The following CLSTN3 variants were observed in gnomAD, a reference collection of about 807,000 sequenced individuals.
CLSTN3 encodes calsyntenin 3.
CLSTN3 carries 36 observed loss-of-function variants against 95.9 expected under a neutral mutation model. That is an observed-to-expected ratio of 0.38 (90% CI 0.29 to 0.50). The LOEUF is 0.50. Ranked by LOEUF, CLSTN3 falls within the 20% of genes least tolerant of loss-of-function variation. CLSTN3 has a pLI of 0.95. For missense variants in CLSTN3, 1,084 were observed against 1,268.8 expected, an observed-to-expected ratio of 0.85 and a Z score of 2.21; for synonymous variants, 481 against 504.0, an observed-to-expected ratio of 0.95 and a Z score of 0.61.
At chr12:7,135,765 C>G (rs770356773) in intron 4 of CLSTN3, 39 bp from the exon 5 acceptor site, 3 of 1,562,128 alleles carry the variant, frequency 1.9e-6, no homozygotes, top group Non-Finnish European at 2.6e-6. Context: ...TGGGCTTTCT[C>G]CAATGCTCTA....
In CLSTN3 at chr12:7,135,599, A is replaced by T. The variant is rs1005015982; in HGVS notation, c.592+64A>T. 3 of 1,543,174 alleles carry T rather than the reference A, an allele frequency of 1.9e-6. No individual in the cohort carries two copies. In the African/African-American group the frequency reaches 4.1e-5, roughly 21 times the overall value. The stretch of plus-strand genomic sequence containing the variant: ...CTTGAGCACCCACCTCCCTCAGGAC[A>T]ACCCAGGGTTGCATTCTCCACTTTT... On this transcript the variant is annotated intron_variant, in intron 4 of 17. Transcript: ENST00000266546.
At chr12:7,147,395 C>CAAAAAA (rs1565652698) in intron 12 of CLSTN3, among the ~76,000 whole-genome samples, 1 of 19,802 alleles carries the variant, frequency 5.0e-5, no homozygotes, top group East Asian at 1.2e-3. Context: ...AGAGACTCTG[C>CAAAAAA]CAAAAAAAAA....
upstream of CLSTN3, chr12:7,130,358 CT>C (rs1267318183): frequency 7.6e-7 from 1 of 1,318,784 alleles, no homozygotes; most frequent in African/African-American, 1.5e-5. Context: ...CGTTGCCCGG[CT>C]GTGCTGACGT....
At position 7,150,629 on chromosome 12, in the gene CLSTN3, GTT is replaced by G. The variant is rs759339524; in HGVS notation, c.2332_2333del (p.Phe778ProfsTer15). 1 of 1,614,190 alleles carries G rather than the reference GTT, an allele frequency of 6.2e-7. No individual in the cohort carries two copies. Among genetic ancestry groups the G allele is most frequent in the Non-Finnish European group, 8.5e-7 (1 of 1,180,026 alleles). ...RHGAALYTRK[F>X]RLSCSEMNGR... is the part of the protein sequence containing the mutation. ...ACGGAGCTGCCCTCTACACCAGGAA[GTT>G]CCGGCTTTCCTGCTCGGAAATGAAT... On this transcript the variant is annotated frameshift_variant, in exon 15 of 18. Transcript: ENST00000266546. LOFTEE classifies it high-confidence loss of function. The surrounding 1 kb of genome is among the most constrained non-coding windows in gnomAD (Gnocchi z 4.0).
At chr12:7,152,014 A>G (rs1939731406) in intron 16 of CLSTN3, among the ~76,000 whole-genome samples, 1 of 149,902 alleles carries the variant, frequency 6.7e-6, no homozygotes, top group African/African-American at 2.5e-5. Flanking sequence ...TGATCACACC[A>G]CTGCACTCCA....
In CLSTN3 at chr12:7,135,790, T is replaced by C; in HGVS notation, c.593-14T>C. ...CCAATGCTCTAATGCTCTGTCCTCC[T>C]GACCCCACCCCAGGGAACATTGAGA... On this transcript the variant is annotated splice_polypyrimidine_tract_variant and intron_variant, in intron 4 of 17. Transcript: ENST00000266546. 6.3e-7 allele frequency: 1 copy of C among 1,594,156 alleles called. No homozygotes were observed. The highest frequency in any genetic ancestry group is 1.3e-5 in the African/African-American group (1 of 74,400).
At chr12:7,140,144 C>T (rs775278686) in intron 8 of CLSTN3, among the ~76,000 whole-genome samples, 22 of 152,222 alleles carry the variant, frequency 1.4e-4, no homozygotes, top group African/African-American at 5.3e-4. Context: ...ATCAACAGCA[C>T]CTGCTAATGG....
Position 7,151,047 on chromosome 12 carries a change from C to G in CLSTN3, c.2511C>G (p.Ser837Arg), listed in dbSNP as rs1403205959. 6 of 1,602,716 alleles carry G rather than the reference C, an allele frequency of 3.7e-6. No individual in the cohort carries two copies. In the Admixed American group the frequency reaches 1.0e-4, roughly 28 times the overall value. Residue 837 changes from serine to arginine, a missense_variant, in exon 16 of 18, where the codon AGC becomes AGG. Physicochemically the swap from Ser to Arg is moderately radical, Grantham distance 110. Coordinates refer to ENST00000266546, the MANE Select transcript of CLSTN3 (RefSeq NM_014718.4). ...AGATGGCTGGACACAGCCTAGCCAG[C>G]TCCCACAGAAACTCCAGTACGTAAG... ...PPEMAGHSLA[S>R]SHRNSMIPSA... is the part of the protein sequence containing the mutation.
At chr12:7,145,575 T>C (rs1939610648) in intron 12 of CLSTN3, among the ~76,000 whole-genome samples, 1 of 151,942 alleles carries the variant, frequency 6.6e-6, no homozygotes. Context: ...TTTTTTTTTT[T>C]AGTATTTTTC....
intron 12 of CLSTN3, among the ~76,000 whole-genome samples, chr12:7,144,539 A>C (rs1258769447): frequency 6.6e-6 from 1 of 152,164 alleles, no homozygotes; most frequent in Non-Finnish European, 1.5e-5. Flanking sequence ...ATGCCGCTTA[A>C]ATGCTGGCTA....
At chr12:7,143,382 C>A in intron 12 of CLSTN3, 71 bp downstream of exon 12, 1 of 1,527,040 alleles carries the variant, frequency 6.5e-7, no homozygotes, top group Non-Finnish European at 8.9e-7. Flanking sequence ...TGGCCTAAGG[C>A]GTCACCTAGA....
rs374604787 is a variant in CLSTN3, at chr12:7,136,396, G to A, written c.928+5G>A. ...GGGCGCTGCGGAAACTCTGTGGTAG[G>A]TGTGCCCCCAACACTGCCTCAGGCC... On this transcript the variant is annotated splice_donor_5th_base_variant and intron_variant, in intron 6 of 17. Coordinates refer to ENST00000266546, the MANE Select transcript of CLSTN3 (RefSeq NM_014718.4). The A allele has an allele frequency of 1.7e-5, 28 of 1,602,756 alleles. No homozygotes were observed. The highest frequency in any genetic ancestry group is 5.4e-5 in the African/African-American group (4 of 74,712).
chr12:7,145,829 G>A (rs771333716), intron 12 of CLSTN3, among the ~76,000 whole-genome samples: 1 of 152,220 alleles, frequency 6.6e-6, no homozygotes, highest in Non-Finnish European at 1.5e-5. Flanking sequence ...GTCATCCAGA[G>A]CTTGAAACCT....
At chr12:7,132,670 T>C in intron 1 of CLSTN3, 1 of 561,330 alleles carries the variant, frequency 1.8e-6, no homozygotes, top group Admixed American at 3.1e-5. Context: ...CACTGCTCCC[T>C]GAAGTTCCCT....
chr12:7,155,424 G>A (rs1030361683), intron 16 of CLSTN3, among the ~76,000 whole-genome samples: 1 of 152,162 alleles, frequency 6.6e-6, no homozygotes, highest in African/African-American at 2.4e-5. Flanking sequence ...GAGGGACACT[G>A]CATTGATTAG....
intron 10 of CLSTN3, 141 bp from the exon 11 acceptor site, chr12:7,142,718 CTTTTTTTTTT>C (rs373132235): frequency 9.8e-6 from 3 of 306,676 alleles, no homozygotes; most frequent in South Asian, 6.1e-5. Context: ...CTCTTTTTTC[CTTTTTTTTTT>C]TTTTTTTGGT....
At position 7,136,829 on chromosome 12, in the gene CLSTN3, G is replaced by T; in HGVS notation, c.929G>T (p.Gly310Val). ...CTTGTGCCTCCTGGGGCTCCCACAG[G>T]TGCTGCCACTGGGGAGGTGGATCTG... ...YSERALRKLC[G>V]AATGEVDLLP... Residue 310 changes from glycine to valine, a missense_variant and splice_region_variant, in exon 7 of 18, where the codon GGT (glycine) becomes GTT (valine). By Grantham distance (109) the Gly-to-Val change is moderately radical. Transcript: ENST00000266546. 1 of 1,613,356 alleles carries T rather than the reference G, an allele frequency of 6.2e-7. No homozygotes were observed.
intron 12 of CLSTN3, among the ~76,000 whole-genome samples, chr12:7,145,376 C>T (rs187507748): frequency 4.0e-5 from 6 of 151,624 alleles, no homozygotes; most frequent in Admixed American, 1.3e-4. Context: ...TGTGTGCGCG[C>T]GCATTTGTGT....
rs867602530 is a variant in CLSTN3, at chr12:7,141,860, C to T, written c.1487-226C>T. On this transcript the variant is annotated intron_variant, in intron 9 of 17. Coordinates refer to ENST00000266546, the MANE Select transcript of CLSTN3 (RefSeq NM_014718.4). This position sits in a 1 kb window ranked among gnomAD's most constrained non-coding sequence, Gnocchi z 4.1. ...CCCACGTGTTTCCTCAGCAGCATAT[C>T]GTATTTGGGGGTTTGTCTATAATAG... is the stretch of plus-strand genomic sequence containing the variant. Among the ~76,000 whole-genome samples the T allele has an allele frequency of 1.3e-5, 2 of 152,064 alleles. No homozygotes were observed. The highest frequency in any genetic ancestry group is 2.9e-5 in the Non-Finnish European group (2 of 68,022).
Sources: allele counts gnomAD v4.1 joint callset (sites outside exome capture counted in the v4.1 genomes callset), GRCh38; gene constraint gnomAD v4.1.1; non-coding constraint Gnocchi (gnomAD v3.1); transcripts MANE v1.5; gene names NCBI Gene and HGNC (gene_info 2026-07-23, HGNC 2026-07-21).